The following MAP1LC3A variants were observed in gnomAD, a reference collection of about 807,000 sequenced individuals.
MAP1LC3A encodes microtubule-associated protein 1 light chain 3 alpha.
A neutral mutation model predicts 15.2 loss-of-function variants in MAP1LC3A; 10 were observed. The ratio of observed to expected loss-of-function variants is 0.66; its 90% confidence interval spans 0.41 to 1.12. MAP1LC3A has a LOEUF of 1.12. Ranked by LOEUF, MAP1LC3A falls within the 50% of genes most tolerant of loss-of-function variation. The pLI is 0.00. For missense variants in MAP1LC3A, 138 were observed against 167.3 expected, an observed-to-expected ratio of 0.82 and a Z score of 0.97; for synonymous variants, 63 against 64.3, an observed-to-expected ratio of 0.98 and a Z score of 0.10.
At chr20:34,549,745 A>C (rs1981876104) in intron 1 of MAP1LC3A, among the ~76,000 whole-genome samples, 2 of 152,160 alleles carry the variant, frequency 1.3e-5, no homozygotes, top group Admixed American at 1.3e-4. Flanking sequence ...GGTAACTTCC[A>C]GGTGTTGCCA....
Position 34,558,798 on chromosome 20 carries a change from G to A in MAP1LC3A, c.-71G>A, listed in dbSNP as rs1294053384. ...CTTGAGCGCGAGGCGCGGAGCCCCCGGAGCCCCCAAACCGCAGACACATCC... is the reference window on the plus strand; with the variant it reads ...CTTGAGCGCGAGGCGCGGAGCCCCCAGAGCCCCCAAACCGCAGACACATCC... On this transcript the variant is annotated 5_prime_UTR_variant, in exon 1 of 4. Transcript: ENST00000360668. This position sits in a 1 kb window ranked among gnomAD's most constrained non-coding sequence, Gnocchi z 4.3. 7 of 1,370,078 alleles carry A rather than the reference G, an allele frequency of 5.1e-6. No homozygotes were observed. Among genetic ancestry groups the A allele is most frequent in the Non-Finnish European group, 5.6e-6 (6 of 1,070,980 alleles). 84.9% of individuals were successfully genotyped at this position (1,370,078 alleles called of 1,614,324 possible).
At chr20:34,549,338 C>G (rs1286428025) in intron 1 of MAP1LC3A, among the ~76,000 whole-genome samples, 1 of 152,180 alleles carries the variant, frequency 6.6e-6, no homozygotes, top group Non-Finnish European at 1.5e-5. Context: ...CACTTTGAGT[C>G]TGTAAACGGG....
chr20:34,552,714 C>T (rs979590409), intron 2 of MAP1LC3A, among the ~76,000 whole-genome samples: 1 of 152,238 alleles, frequency 6.6e-6, no homozygotes, highest in Non-Finnish European at 1.5e-5. Flanking sequence ...AGCAAGGAGA[C>T]AATAGCAGCA....
intron 3 of MAP1LC3A, 131 bp from the exon 4 acceptor site, chr20:34,559,605 T>G: frequency 8.0e-7 from 1 of 1,250,876 alleles, no homozygotes; most frequent in Non-Finnish European, 1.1e-6. Flanking sequence ...GGGGCTGCAG[T>G]CGGTGTTGGG....
At chr20:34,552,910 C>A (rs941270485) in intron 2 of MAP1LC3A, among the ~76,000 whole-genome samples, 2 of 152,176 alleles carry the variant, frequency 1.3e-5, no homozygotes, top group African/African-American at 4.8e-5. Flanking sequence ...CTGAGGAGGC[C>A]GGGCACAATG....
At chr20:34,555,912 C>T (rs1052945107), upstream of MAP1LC3A, among the ~76,000 whole-genome samples, 2 of 151,630 alleles carry the variant, frequency 1.3e-5, no homozygotes, top group East Asian at 3.9e-4. Context: ...GCGCGATCTC[C>T]ATTTACTGCA....
At chr20:34,551,627 G>A (rs1033923572) in intron 2 of MAP1LC3A, among the ~76,000 whole-genome samples, 2 of 151,956 alleles carry the variant, frequency 1.3e-5, no homozygotes, top group African/African-American at 2.4e-5. Flanking sequence ...CATCACGCCT[G>A]GCTAATTTTT....
intron 2 of MAP1LC3A, among the ~76,000 whole-genome samples, chr20:34,551,473 T>C (rs1229588309): frequency 1.4e-5 from 2 of 143,102 alleles, no homozygotes; most frequent in African/African-American, 5.5e-5. Flanking sequence ...TGTCCTTTTT[T>C]TTTTTTTTTT....
In MAP1LC3A at chr20:34,558,801, GC is replaced by G; in HGVS notation, c.-63del. The G allele has an allele frequency of 2.2e-6, 3 of 1,373,974 alleles. No individual in the cohort carries two copies. The highest frequency in any genetic ancestry group is 3.9e-5 in the Admixed American group (1 of 25,954). The allele number at this position is 1,373,974 out of a possible 1,614,324, so 85.1% of individuals were successfully genotyped here. Reference sequence around the variant, plus strand: ...GAGCGCGAGGCGCGGAGCCCCCGGAGCCCCCAAACCGCAGACACATCCCCGC... The same window carrying G: ...GAGCGCGAGGCGCGGAGCCCCCGGAGCCCCAAACCGCAGACACATCCCCGC... On this transcript the variant is annotated 5_prime_UTR_variant, in exon 1 of 4. Coordinates refer to ENST00000360668, the MANE Select transcript of MAP1LC3A (RefSeq NM_032514.4). The surrounding 1 kb of genome is among the most constrained non-coding windows in gnomAD (Gnocchi z 4.3).
chr20:34,558,880 C>T lies in MAP1LC3A; in HGVS notation c.12C>T (p.Asp4=), dbSNP rs1982279060. The T allele has an allele frequency of 7.0e-7, 1 of 1,432,192 alleles. No individual in the cohort carries two copies. The highest frequency in any genetic ancestry group is 9.1e-7 in the Non-Finnish European group (1 of 1,098,178). 88.7% of individuals were successfully genotyped at this position (1,432,192 alleles called of 1,614,324 possible). The change falls in exon 1 of 4, where the codon GAC becomes GAT. Residue 4 remains aspartate (D), a synonymous_variant. Coordinates refer to ENST00000360668, the MANE Select transcript of MAP1LC3A (RefSeq NM_032514.4). This position sits in a 1 kb window ranked among gnomAD's most constrained non-coding sequence, Gnocchi z 4.3. MPS[D]RPFKQRRSFA... ...GCCGGGCCCGCGCGATGCCCTCAGACCGGCCTTTCAAGCAGCGGCGGAGCT... is the reference window on the plus strand; with the variant it reads ...GCCGGGCCCGCGCGATGCCCTCAGATCGGCCTTTCAAGCAGCGGCGGAGCT...
intron 2 of MAP1LC3A, among the ~76,000 whole-genome samples, chr20:34,552,163 A>G (rs1981973379): frequency 6.6e-6 from 1 of 152,060 alleles, no homozygotes; most frequent in Admixed American, 6.5e-5. Flanking sequence ...ACACCCAGCT[A>G]ATTTTTGTAT....
chr20:34,555,900 T>C (rs1004849448), upstream of MAP1LC3A, among the ~76,000 whole-genome samples: 3 of 151,446 alleles, frequency 2.0e-5, no homozygotes, highest in African/African-American at 4.9e-5. Flanking sequence ...TGGAGTGCAG[T>C]GGCGCGATCT....
upstream of MAP1LC3A, chr20:34,558,523 G>GGGAGAAGCTCCCGCGCTGCC (rs1982244918): frequency 3.7e-6 from 4 of 1,088,406 alleles, no homozygotes; most frequent in Non-Finnish European, 4.5e-6. The surrounding 1 kb of genome is among the most constrained non-coding windows in gnomAD (Gnocchi z 4.3). Context: ...TTCGGGCTGC[G>GGGAGAAGCTCCCGCGCTGCC]GGAGAAGCTC....
At chr20:34,552,373 C>T (rs1478191166) in intron 2 of MAP1LC3A, among the ~76,000 whole-genome samples, 1 of 152,246 alleles carries the variant, frequency 6.6e-6, no homozygotes, top group Non-Finnish European at 1.5e-5. Flanking sequence ...TGTTTGAACG[C>T]TTTCATAATG....
intron 1 of MAP1LC3A, 104 bp downstream of exon 1, chr20:34,559,012 C>T: frequency 2.2e-6 from 3 of 1,338,968 alleles, no homozygotes; most frequent in Non-Finnish European, 2.9e-6. Flanking sequence ...TGGCTGGACC[C>T]TCGGGCTGGG....
chr20:34,550,130 C>T (rs1187708939), intron 2 of MAP1LC3A: 23 of 1,195,536 alleles, frequency 1.9e-5, no homozygotes, highest in African/African-American at 1.8e-4. Context: ...TTGCTCCGCC[C>T]GTGTGCCAGG....
upstream of MAP1LC3A, among the ~76,000 whole-genome samples, chr20:34,557,944 A>C (rs867752202): frequency 4.7e-3 from 106 of 22,470 alleles, no homozygotes; most frequent in Non-Finnish European, 6.9e-3. Flanking sequence ...CCCTCCCCCA[A>C]AAAAATGTTG....
upstream of MAP1LC3A, among the ~76,000 whole-genome samples, chr20:34,555,424 C>A (rs964460270): frequency 3.7e-4 from 56 of 152,168 alleles, no homozygotes; most frequent in Non-Finnish European, 7.4e-4. Flanking sequence ...GGATTACAGG[C>A]GTGAGCCACT....
intron 1 of MAP1LC3A, 116 bp from the exon 2 acceptor site, chr20:34,559,092 A>G (rs1038121448): frequency 1.3e-5 from 17 of 1,325,988 alleles, no homozygotes; most frequent in Admixed American, 3.7e-5. Flanking sequence ...GTGGGGCCTG[A>G]TGGCCCCGGG....
Sources: allele counts gnomAD v4.1 joint callset (sites outside exome capture counted in the v4.1 genomes callset), GRCh38; gene constraint gnomAD v4.1.1; non-coding constraint Gnocchi (gnomAD v3.1); transcripts MANE v1.5; gene names NCBI Gene and HGNC (gene_info 2026-07-23, HGNC 2026-07-21).